AMOTL1: variants seen among roughly 807,000 people sequenced by gnomAD.
AMOTL1 encodes the protein angiomotin like 1.
A neutral mutation model predicts 102.9 loss-of-function variants in AMOTL1; 45 were observed. The observed-to-expected ratio is 0.44, with a 90% CI of 0.34 to 0.56. The LOEUF (loss-of-function observed/expected upper bound fraction) is 0.56. AMOTL1 is among the 20% of genes least tolerant of loss of function. AMOTL1 has a pLI of 0.01. For missense variants in AMOTL1, 1,114 were observed against 1,225.6 expected (o/e 0.91, Z 1.36); for synonymous variants, 481 against 484.7 (o/e 0.99, Z 0.10).
At chr11:94,812,249 T>C (rs1274869936) in intron 3 of AMOTL1, among the ~76,000 whole-genome samples, 1 of 152,130 alleles carries the variant, frequency 6.6e-6, no homozygotes, top group Non-Finnish European at 1.5e-5. Flanking sequence ...TCAGGAAGTT[T>C]ATTTTGTCAA....
intron 6 of AMOTL1, among the ~76,000 whole-genome samples, chr11:94,839,338 G>A (rs1347619931): frequency 6.6e-6 from 1 of 152,222 alleles, no homozygotes; most frequent in Non-Finnish European, 1.5e-5. Context: ...AGCCCTCACA[G>A]GTACATTGTC....
rs576890818 is a variant in AMOTL1, at chr11:94,751,801, C to T, written c.136+10813C>T. On this transcript the variant is annotated intron_variant, in intron 3 of 4. Transcript: ENST00000299004. ...CAGCACACACACACACACACACACA[C>T]GTGCACACACGCACACACACACATA... Among the ~76,000 whole-genome samples, 302 of 150,208 alleles carry T rather than the reference C, an allele frequency of 2.0e-3. 2 individuals carry two copies. Among genetic ancestry groups the T allele is most frequent in the African/African-American group, 6.6e-3 (271 of 40,802 alleles).
chr11:94,785,105 A>C (rs1951165185), intron 1 of AMOTL1, among the ~76,000 whole-genome samples: 1 of 152,248 alleles, frequency 6.6e-6, no homozygotes, highest in Admixed American at 6.5e-5. Context: ...TTTTATAAAA[A>C]ATAACACAAA....
intron 1 of AMOTL1, among the ~76,000 whole-genome samples, chr11:94,769,285 C>T (rs1214243687): frequency 6.6e-6 from 1 of 152,196 alleles, no homozygotes; most frequent in African/African-American, 2.4e-5. Context: ...ACATTTGTGG[C>T]AGGAGGGAGA....
chr11:94,863,620 T>C (rs371469846), intron 9 of AMOTL1, among the ~76,000 whole-genome samples: 1 of 152,168 alleles, frequency 6.6e-6, no homozygotes, highest in Non-Finnish European at 1.5e-5. Context: ...TCAGTATGAT[T>C]GTACATTGGA....
At chr11:94,864,063 G>A (rs1478564301) in intron 9 of AMOTL1, among the ~76,000 whole-genome samples, 2 of 152,194 alleles carry the variant, frequency 1.3e-5, no homozygotes, top group South Asian at 2.1e-4. Flanking sequence ...TCAGCTTGGA[G>A]CCTCACTCTC....
chr11:94,854,033 G>A lies in AMOTL1; in HGVS notation c.1895G>A (p.Arg632Lys), dbSNP rs1199458723. The A allele has an allele frequency of 1.9e-6, 3 of 1,564,764 alleles. No individual in the cohort carries two copies. Among genetic ancestry groups the A allele is most frequent in the Non-Finnish European group, 2.6e-6 (3 of 1,153,556 alleles). The part of the protein sequence containing the change: ...ACEKREQMER[R>K]LRTWLERELD... ...GAGAAGCGAGAACAGATGGAGCGGAGACTGCGGACTTGGCTGGAGAGAGAG... is the reference window on the plus strand; with the variant it reads ...GAGAAGCGAGAACAGATGGAGCGGAAACTGCGGACTTGGCTGGAGAGAGAG... The change falls in exon 8 of 13, where the codon AGA becomes AAA. Residue 632 changes from arginine to lysine, a missense_variant. Physicochemically the swap from Arg to Lys is conservative, Grantham distance 26. Transcript: ENST00000433060.
chr11:94,771,731 G>A (rs1950955468), intron 1 of AMOTL1, among the ~76,000 whole-genome samples: 1 of 152,068 alleles, frequency 6.6e-6, no homozygotes, highest in Admixed American at 6.5e-5. Flanking sequence ...CTCACGGCCA[G>A]GCCTTGTGTA....
chr11:94,775,558 T>C (rs1449770340), intron 1 of AMOTL1, among the ~76,000 whole-genome samples: 2 of 152,172 alleles, frequency 1.3e-5, no homozygotes, highest in Non-Finnish European at 2.9e-5. Flanking sequence ...TCTAGACCTA[T>C]GCTGTCTGTA....
At chr11:94,860,108 A>C (rs1421857470) in intron 9 of AMOTL1, among the ~76,000 whole-genome samples, 1 of 152,224 alleles carries the variant, frequency 6.6e-6, no homozygotes, top group African/African-American at 2.4e-5. Flanking sequence ...TGCAATCACC[A>C]AGAATGATGT....
intron 1 of AMOTL1, among the ~76,000 whole-genome samples, chr11:94,775,163 AT>A (rs1951008135): frequency 6.6e-6 from 1 of 152,208 alleles, no homozygotes; most frequent in Non-Finnish European, 1.5e-5. Flanking sequence ...TCTTAAAATT[AT>A]TTTCTGCATC....
Position 94,874,284 on chromosome 11 carries a change from C to G in AMOTL1, c.*3489C>G, listed in dbSNP as rs1953057325. 6.6e-6 allele frequency: 1 copy of G among 152,264 alleles called. No individual in the cohort carries two copies. The highest frequency in any genetic ancestry group is 6.5e-5 in the Admixed American group (1 of 15,286). 9.4% of individuals were successfully genotyped at this position (152,264 alleles called of 1,614,324 possible). A position where few individuals can be genotyped will look rare whatever the true frequency, so the allele number is the denominator to read the frequency against. ...AAAACTTTCAGAGCATGTGCAGAAC[C>G]CTTTCTTAGCGTTTTCTTCTCAGCA... On this transcript the variant is annotated 3_prime_UTR_variant, in exon 13 of 13. Coordinates refer to ENST00000433060, the MANE Select transcript of AMOTL1 (RefSeq NM_130847.3).
intron 3 of AMOTL1, among the ~76,000 whole-genome samples, chr11:94,804,664 T>C (rs530561167): frequency 6.6e-6 from 1 of 152,372 alleles, no homozygotes; most frequent in East Asian, 1.9e-4. Context: ...GAGTATGTTT[T>C]GCTATTTAGA....
At chr11:94,840,681 T>TATATATATATATATATATATAC (rs1166713705) in intron 6 of AMOTL1, among the ~76,000 whole-genome samples, 1 of 104,808 alleles carries the variant, frequency 9.5e-6, no homozygotes, top group Non-Finnish European at 1.8e-5. Context: ...TATATATATA[T>TATATATATATATATATATATAC]ACACACACAC....
chr11:94,810,446 CTTACT>C (rs1951654470), intron 3 of AMOTL1, among the ~76,000 whole-genome samples: 1 of 143,492 alleles, frequency 7.0e-6, no homozygotes, highest in Admixed American at 7.2e-5. Flanking sequence ...TACTCTCTTT[CTTACT>C]TTAAACACCC....
chr11:94,831,448 A>G lies in AMOTL1; in HGVS notation c.1559-4A>G, dbSNP rs756720928. The G allele has an allele frequency of 2.0e-5, 33 of 1,609,782 alleles. No individual in the cohort carries two copies. Among genetic ancestry groups the G allele is most frequent in the African/African-American group, 2.7e-5 (2 of 74,700 alleles). ...CTTTGTAATCATTTCCTCTTTGTTCATAGATCGACTAGAGACTGCTAACAG... is the reference window on the plus strand; with the variant it reads ...CTTTGTAATCATTTCCTCTTTGTTCGTAGATCGACTAGAGACTGCTAACAG... On this transcript the variant is annotated splice_region_variant and splice_polypyrimidine_tract_variant and intron_variant, in intron 5 of 12. Transcript: ENST00000433060.
At chr11:94,823,862 C>T (rs1441619339) in intron 4 of AMOTL1, among the ~76,000 whole-genome samples, 14 of 151,062 alleles carry the variant, frequency 9.3e-5, no homozygotes, top group South Asian at 2.1e-4. Context: ...ACTACAGTTG[C>T]GCACCACCAC....
chr11:94,866,449 C>T (rs1268433962), intron 11 of AMOTL1: 2 of 432,780 alleles, frequency 4.6e-6, no homozygotes, highest in Admixed American at 3.6e-5. Flanking sequence ...ACACAAAAGG[C>T]TCTCATAGAA....
intron 3 of AMOTL1, among the ~76,000 whole-genome samples, chr11:94,821,179 A>G (rs1237298975): frequency 6.6e-6 from 1 of 152,188 alleles, no homozygotes; most frequent in Non-Finnish European, 1.5e-5. Context: ...GGAAGTAGCC[A>G]TGGGGTCATT....
Sources: gnomAD v4.1 joint callset for allele counts (sites outside exome capture counted in the v4.1 genomes callset) on GRCh38, gnomAD v4.1.1 for gene constraint, MANE v1.5 for transcripts, NCBI Gene and HGNC (gene_info 2026-07-23, HGNC 2026-07-21) for gene names.